GLIS3: variants seen among roughly 807,000 people sequenced by gnomAD.
GLIS3 encodes the protein zinc finger protein GLIS3.
Under a neutral mutation model 78.6 loss-of-function variants are expected in GLIS3, and 53 were observed. The ratio of observed to expected loss-of-function variants is 0.67; its 90% CI spans 0.54 to 0.85. The LOEUF is 0.85. Among genes scored for constraint, GLIS3 ranks in the 40% least tolerant of loss-of-function variants. The probability of loss-of-function intolerance (pLI) is 0.00; values close to 1 mark genes in which losing one functional copy is unlikely to be tolerated. For synonymous variants in GLIS3, 684 were observed against 509.9 expected (o/e 1.34, Z -4.60); for missense variants, 1,703 against 1,231.1 (o/e 1.38, Z -5.74).
intron 4 of GLIS3, among the ~76,000 whole-genome samples, chr9:3,944,311 A>G (rs1240670534): frequency 1.3e-5 from 2 of 152,252 alleles, no homozygotes; most frequent in Non-Finnish European, 2.9e-5. Flanking sequence ...GTAACAATCG[A>G]AAGGTTCTGG....
the GLIS3 span, among the ~76,000 whole-genome samples, chr9:4,440,517 C>T: frequency 3.9e-5 from 6 of 152,250 alleles, no homozygotes; most frequent in South Asian, 1.0e-3. Context: ...TTTCTGGGCT[C>T]TCTATTCTGT....
intron 4 of GLIS3, among the ~76,000 whole-genome samples, chr9:3,960,341 TTC>T (rs1186087384): frequency 1.3e-5 from 2 of 152,166 alleles, no homozygotes; most frequent in Non-Finnish European, 2.9e-5. Context: ...GACAATAAAT[TTC>T]TGTTACTTAA....
At chr9:4,472,262 T>A in the GLIS3 span, among the ~76,000 whole-genome samples, 1 of 152,200 alleles carries the variant, frequency 6.6e-6, no homozygotes, top group Non-Finnish European at 1.5e-5. Context: ...ACTGGGTACA[T>A]ACCCAAAGGA....
intron 4 of GLIS3, among the ~76,000 whole-genome samples, chr9:3,983,038 G>C (rs915721310): frequency 6.6e-6 from 1 of 152,178 alleles, no homozygotes; most frequent in Non-Finnish European, 1.5e-5. Flanking sequence ...GCTTGATGTG[G>C]TTGGCTGTGT....
At chr9:3,909,796 C>G (rs1824005782) in intron 6 of GLIS3, among the ~76,000 whole-genome samples, 1 of 152,192 alleles carries the variant, frequency 6.6e-6, no homozygotes, top group African/African-American at 2.4e-5. Flanking sequence ...CCTGTCAACT[C>G]TGTAGCAACA....
the GLIS3 span, among the ~76,000 whole-genome samples, chr9:4,378,805 T>C: frequency 3.3e-5 from 5 of 152,124 alleles, no homozygotes; most frequent in Non-Finnish European, 7.3e-5. Flanking sequence ...ACCTTTAGAA[T>C]GAGCTTGTAT....
chr9:3,964,873 A>G (rs1307388913), intron 4 of GLIS3, among the ~76,000 whole-genome samples: 2 of 152,190 alleles, frequency 1.3e-5, no homozygotes, highest in Non-Finnish European at 2.9e-5. Context: ...TATCTTAAAG[A>G]GAAAAGAAAT....
the GLIS3 span, among the ~76,000 whole-genome samples, chr9:4,382,271 A>G: frequency 6.6e-6 from 1 of 152,214 alleles, no homozygotes; most frequent in Non-Finnish European, 1.5e-5. Flanking sequence ...CAGATTGGAG[A>G]ACATTTCGTT....
chr9:4,377,196 T>G, the GLIS3 span, among the ~76,000 whole-genome samples: 124,438 of 133,548 alleles, frequency 0.93, 59,674 homozygotes, highest in East Asian at 1. Context: ...AGAGGACTGG[T>G]AGAGGAAGAC....
At chr9:4,472,606 A>G in the GLIS3 span, among the ~76,000 whole-genome samples, 2 of 113,584 alleles carry the variant, frequency 1.8e-5, no homozygotes, top group Non-Finnish European at 3.4e-5. Context: ...GGGGCCTGTC[A>G]TGGGGTGTGG....
At chr9:4,250,241 T>C (rs1164257858) in intron 2 of GLIS3, among the ~76,000 whole-genome samples, 1 of 152,232 alleles carries the variant, frequency 6.6e-6, no homozygotes, top group African/African-American at 2.4e-5. Flanking sequence ...TGTGAATCCA[T>C]CTGGTCCTGG....
intron 1 of GLIS3, among the ~76,000 whole-genome samples, chr9:4,287,201 T>G (rs1189268229): frequency 6.6e-6 from 1 of 152,144 alleles, no homozygotes; most frequent in Non-Finnish European, 1.5e-5. Context: ...AACCTTCCAC[T>G]AAAATCCTAG....
chr9:4,154,161 C>T (rs954697773), intron 2 of GLIS3, among the ~76,000 whole-genome samples: 2 of 152,200 alleles, frequency 1.3e-5, no homozygotes, highest in Non-Finnish European at 2.9e-5. Flanking sequence ...TAGAAACATG[C>T]CTCCAACAGA....
At chr9:3,955,140 G>A (rs1588306991) in intron 4 of GLIS3, among the ~76,000 whole-genome samples, 1 of 152,292 alleles carries the variant, frequency 6.6e-6, no homozygotes, top group Non-Finnish European at 1.5e-5. Context: ...GAACAGAGCC[G>A]TAAATCAGAG....
At chr9:4,083,613 T>G (rs1166835541) in intron 4 of GLIS3, among the ~76,000 whole-genome samples, 1 of 152,228 alleles carries the variant, frequency 6.6e-6, no homozygotes, top group Non-Finnish European at 1.5e-5. Context: ...TCGGAGTTAT[T>G]TTTTATGTTC....
chr9:3,939,154 C>A (rs1826064109), intron 4 of GLIS3, among the ~76,000 whole-genome samples: 1 of 152,150 alleles, frequency 6.6e-6, no homozygotes, highest in Non-Finnish European at 1.5e-5. Flanking sequence ...CCTGAGCAGG[C>A]CCCATATCCA....
chr9:3,877,145 G>GA (rs1821371166), intron 8 of GLIS3, among the ~76,000 whole-genome samples: 1 of 152,186 alleles, frequency 6.6e-6, no homozygotes, highest in Non-Finnish European at 1.5e-5. Flanking sequence ...TCACGACATT[G>GA]TGGATGGAGT....
intron 6 of GLIS3, among the ~76,000 whole-genome samples, chr9:3,915,747 C>G (rs1824467480): frequency 6.6e-6 from 1 of 152,122 alleles, no homozygotes; most frequent in South Asian, 2.1e-4. Flanking sequence ...TCTGACATGG[C>G]AGGAAGCTAG....
chr9:4,058,945 G>A (rs189128003), intron 4 of GLIS3, among the ~76,000 whole-genome samples: 55 of 150,796 alleles, frequency 3.6e-4, no homozygotes, highest in African/African-American at 1.3e-3. Flanking sequence ...TTGCGCCACT[G>A]CACTCCAGCG....
Sources: allele counts gnomAD v4.1 joint callset (sites outside exome capture counted in the v4.1 genomes callset), GRCh38; gene constraint gnomAD v4.1.1; transcripts MANE v1.5; gene names NCBI Gene and HGNC (gene_info 2026-07-23, HGNC 2026-07-21).